FMNL2: variants seen among roughly 807,000 people sequenced by gnomAD.
FMNL2 encodes the protein formin like 2.
FMNL2 carries 51 observed loss-of-function variants against 130.2 expected under a neutral mutation model. That is an observed-to-expected ratio of 0.39 (90% CI 0.31 to 0.49). The LOEUF (loss-of-function observed/expected upper bound fraction) is 0.49. Ranked by LOEUF, FMNL2 falls within the 20% of genes least tolerant of loss-of-function variation. The pLI is 0.85. For missense variants in FMNL2, 977 were observed against 1,316.2 expected (o/e 0.74, Z 3.99); for synonymous variants, 465 against 467.1 (o/e 1.00, Z 0.06).
chr2:152,375,869 C>CTATATATATATATATATA (rs1376054574), intron 1 of FMNL2, among the ~76,000 whole-genome samples: 2 of 113,256 alleles, frequency 1.8e-5, no homozygotes, highest in Admixed American at 9.7e-5. Flanking sequence ...CTCTCTCTCT[C>CTATATATATATATATATA]TCTCTCTCTA....
At chr2:152,509,392 T>C (rs1053135459) in intron 1 of FMNL2, among the ~76,000 whole-genome samples, 4 of 152,170 alleles carry the variant, frequency 2.6e-5, no homozygotes, top group East Asian at 1.9e-4. Flanking sequence ...AATTTTATTA[T>C]GGGATTTTTT....
Position 152,363,571 on chromosome 2 carries a change from TTC to T in FMNL2, c.117+27852_117+27853del, listed in dbSNP as rs199820040. Among the ~76,000 whole-genome samples the T allele has an allele frequency of 1.6e-3, 246 of 151,350 alleles. 1 individual carries two copies. Among genetic ancestry groups the T allele is most frequent in the Non-Finnish European group, 2.4e-3 (163 of 67,994 alleles). ...TGAGTTTTTTTCTTTTCTTTTTTTTTTCCCCCCCAAGACAGAGTCTCGCTCTG... is the reference window on the plus strand; with the variant it reads ...TGAGTTTTTTTCTTTTCTTTTTTTTTCCCCCCAAGACAGAGTCTCGCTCTG... On this transcript the variant is annotated intron_variant, in intron 1 of 25. Transcript: ENST00000288670.
rs116316217 is a variant in FMNL2, at chr2:152,382,384, C to T, written c.117+46664C>T. ...CTCTGGGTGTTCTGATGTGAGAGAGCCTGGCTTCTTCAGTAGAAGATTCTG... is the reference window on the plus strand; with the variant it reads ...CTCTGGGTGTTCTGATGTGAGAGAGTCTGGCTTCTTCAGTAGAAGATTCTG... On this transcript the variant is annotated intron_variant, in intron 1 of 25. Transcript: ENST00000288670. Among the ~76,000 whole-genome samples, 1,066 of 152,172 alleles carry T rather than the reference C, an allele frequency of 7.0e-3. 11 individuals are homozygous for T. Among genetic ancestry groups the T allele is most frequent in the African/African-American group, 0.025 (1,035 of 41,528 alleles).
chr2:152,546,406 A>T (rs887864700), intron 3 of FMNL2, among the ~76,000 whole-genome samples: 13 of 152,016 alleles, frequency 8.6e-5, no homozygotes, highest in Non-Finnish European at 1.8e-4. Context: ...AGCCTCTCTT[A>T]AACAGCCAGA....
chr2:152,371,558 A>G (rs1340203501), intron 1 of FMNL2, among the ~76,000 whole-genome samples: 3 of 151,350 alleles, frequency 2.0e-5, no homozygotes, highest in African/African-American at 7.3e-5. Context: ...AGTCCCAGCT[A>G]CTTGGGAAGC....
At chr2:152,614,764 A>G in intron 11 of FMNL2, 87 bp from the exon 12 acceptor site, 1 of 1,383,880 alleles carries the variant, frequency 7.2e-7, no homozygotes, top group Non-Finnish European at 9.7e-7. Flanking sequence ...AAACAAAACA[A>G]AAAACAAAAA....
In FMNL2 at chr2:152,640,017, C is replaced by A; in HGVS notation, c.3006C>A (p.Leu1002=). The change falls in exon 24 of 26, where the codon CTC becomes CTA. Residue 1002 remains leucine (L), a synonymous_variant. Transcript: ENST00000288670. ...KKQEQALMEK[L]LEQEALMEQQ... Reference sequence around the variant, plus strand: ...AGGAACAAGCTCTCATGGAAAAACTCCTAGAGCAAGAAGCTCTGATGGAGC... The same window carrying A: ...AGGAACAAGCTCTCATGGAAAAACTACTAGAGCAAGAAGCTCTGATGGAGC... 1 of 1,557,350 alleles carries A rather than the reference C, an allele frequency of 6.4e-7. No homozygotes were observed. Among genetic ancestry groups the A allele is most frequent in the East Asian group, 2.4e-5 (1 of 41,264 alleles).
At chr2:152,553,935 T>C (rs1424992366) in intron 4 of FMNL2, among the ~76,000 whole-genome samples, 1 of 152,204 alleles carries the variant, frequency 6.6e-6, no homozygotes, top group Non-Finnish European at 1.5e-5. Context: ...GATTGATGTA[T>C]ATGTAGAAAA....
chr2:152,515,598 A>G (rs990641728), intron 1 of FMNL2, among the ~76,000 whole-genome samples: 1 of 152,172 alleles, frequency 6.6e-6, no homozygotes, highest in Non-Finnish European at 1.5e-5. Flanking sequence ...TTTTAGAAAC[A>G]TTGTAGTTTA....
intron 1 of FMNL2, among the ~76,000 whole-genome samples, chr2:152,342,747 T>C (rs2105737072): frequency 6.6e-6 from 1 of 152,268 alleles, no homozygotes; most frequent in Non-Finnish European, 1.5e-5. Context: ...GGAAGCAATG[T>C]CTAAGGGAAG....
intron 1 of FMNL2, among the ~76,000 whole-genome samples, chr2:152,482,134 A>G (rs370918538): frequency 7.9e-5 from 12 of 152,364 alleles, no homozygotes; most frequent in African/African-American, 2.6e-4. Flanking sequence ...AGTCAATGAC[A>G]GGTCGCTATA....
intron 15 of FMNL2, chr2:152,622,495 AT>A (rs777705992): frequency 1.5e-5 from 7 of 456,362 alleles, no homozygotes; most frequent in Admixed American, 1.2e-4. Flanking sequence ...ACCATATCTA[AT>A]TTTTTTTGTA....
At chr2:152,370,804 A>G (rs945012779) in intron 1 of FMNL2, among the ~76,000 whole-genome samples, 1 of 152,242 alleles carries the variant, frequency 6.6e-6, no homozygotes, top group Admixed American at 6.5e-5. Flanking sequence ...ATAACAAACT[A>G]CTGCAAAGCT....
At chr2:152,549,328 C>T (rs1397122768) in intron 4 of FMNL2, among the ~76,000 whole-genome samples, 4 of 152,132 alleles carry the variant, frequency 2.6e-5, no homozygotes, top group African/African-American at 9.7e-5. Flanking sequence ...TTTCTTTGAG[C>T]GGGTGCAGTA....
At chr2:152,614,715 C>A (rs1698856006) in intron 11 of FMNL2, 136 bp from the exon 12 acceptor site, 2 of 774,492 alleles carry the variant, frequency 2.6e-6, no homozygotes, top group African/African-American at 3.7e-5. Context: ...TCCACTCCAG[C>A]CTGGGTGACA....
intron 1 of FMNL2, among the ~76,000 whole-genome samples, chr2:152,512,442 T>C (rs927152824): frequency 1.3e-5 from 2 of 152,172 alleles, no homozygotes; most frequent in Non-Finnish European, 2.9e-5. Flanking sequence ...AGTAGGAAGA[T>C]GGGCTGCGGG....
rs537961051 is a variant in FMNL2, at chr2:152,345,747, A to G, written c.117+10027A>G. On this transcript the variant is annotated intron_variant, in intron 1 of 25. Coordinates refer to ENST00000288670, the MANE Select transcript of FMNL2 (RefSeq NM_052905.4). ...AAACTTGGATTCCCAGGGCCTTACC[A>G]TAAAGTCACTCTACACCAACTAATT... Among the ~76,000 whole-genome samples, 14 of 152,324 alleles carry G rather than the reference A, an allele frequency of 9.2e-5. No individual in the cohort carries two copies. The South Asian group carries it at 2.3e-3, about 25-fold the overall frequency.
intron 9 of FMNL2, among the ~76,000 whole-genome samples, chr2:152,605,073 C>T (rs1698290326): frequency 6.6e-6 from 1 of 151,980 alleles, no homozygotes; most frequent in South Asian, 2.1e-4. Context: ...TCACCCCCTT[C>T]AACAAACCTT....
At chr2:152,339,180 A>G (rs1473297206) in intron 1 of FMNL2, among the ~76,000 whole-genome samples, 1 of 139,346 alleles carries the variant, frequency 7.2e-6, no homozygotes, top group Admixed American at 7.3e-5. Context: ...AAACATTATG[A>G]GATTTATTTC....
Sources: gnomAD v4.1 joint callset for allele counts (sites outside exome capture counted in the v4.1 genomes callset) on GRCh38, gnomAD v4.1.1 for gene constraint, MANE v1.5 for transcripts, NCBI Gene and HGNC (gene_info 2026-07-23, HGNC 2026-07-21) for gene names.